PTPRQ: variants seen among roughly 807,000 people sequenced by gnomAD.
PTPRQ encodes the protein protein tyrosine phosphatase receptor type Q.
PTPRQ carries 199 observed loss-of-function variants against 246.0 expected under a neutral mutation model. That is an observed-to-expected ratio of 0.81 (90% CI 0.72 to 0.91). The LOEUF (loss-of-function observed/expected upper bound fraction) is 0.91, where lower values mean the gene tolerates loss of function less well. Ranked by LOEUF, PTPRQ falls within the 40% of genes least tolerant of loss-of-function variation. The pLI is 0.00. For synonymous variants in PTPRQ, 869 were observed against 853.2 expected, an observed-to-expected ratio of 1.02 and a Z score of -0.32; for missense variants, 2,624 against 2,528.4, an observed-to-expected ratio of 1.04 and a Z score of -0.81.
chr12:80,658,905 A>G (rs1428496438), intron 39 of PTPRQ, among the ~76,000 whole-genome samples: 1 of 151,908 alleles, frequency 6.6e-6, no homozygotes, highest in Non-Finnish European at 1.5e-5. Context: ...GGCTCTTGTT[A>G]TATGACGTTC....
chr12:80,551,726 G>C (rs969207120), intron 25 of PTPRQ, among the ~76,000 whole-genome samples: 1 of 151,894 alleles, frequency 6.6e-6, no homozygotes, highest in Non-Finnish European at 1.5e-5. Context: ...CTTCTCTCTA[G>C]CTTTTTATTC....
At chr12:80,513,833 G>A (rs922489249) in intron 17 of PTPRQ, among the ~76,000 whole-genome samples, 2 of 152,100 alleles carry the variant, frequency 1.3e-5, no homozygotes, top group Middle Eastern at 3.2e-3. Context: ...TGGTTCCCTA[G>A]CATGTCTGTG....
At chr12:80,588,556 A>G (rs1452233687) in intron 26 of PTPRQ, 104 bp downstream of exon 26, 4 of 1,222,398 alleles carry the variant, frequency 3.3e-6, no homozygotes, top group African/African-American at 1.5e-5. Context: ...ATCACTGAAC[A>G]TAGAAATAAC....
chr12:80,614,621 T>C (rs1259319481), intron 29 of PTPRQ, among the ~76,000 whole-genome samples: 1 of 150,820 alleles, frequency 6.6e-6, no homozygotes, highest in East Asian at 1.9e-4. Context: ...ATAAAATAAA[T>C]CTTTTGGGGA....
At chr12:80,598,519 T>C (rs1485800395) in intron 26 of PTPRQ, among the ~76,000 whole-genome samples, 2 of 151,944 alleles carry the variant, frequency 1.3e-5, no homozygotes, top group Non-Finnish European at 2.9e-5. Flanking sequence ...TTGGATTTCT[T>C]CTAGTCCTGA....
At chr12:80,621,683 T>C (rs1477043315) in intron 32 of PTPRQ, among the ~76,000 whole-genome samples, 2 of 152,040 alleles carry the variant, frequency 1.3e-5, no homozygotes, top group African/African-American at 4.8e-5. Context: ...GCAAAAGTGA[T>C]TGAGGTATAA....
chr12:80,447,648 GA>G (rs1237629536), intron 3 of PTPRQ, among the ~76,000 whole-genome samples: 1 of 150,616 alleles, frequency 6.6e-6, no homozygotes, highest in East Asian at 1.9e-4. Context: ...ACCATTTATT[GA>G]ACAGAATATC....
chr12:80,611,263 T>A (rs993853852), intron 28 of PTPRQ, among the ~76,000 whole-genome samples: 2 of 150,378 alleles, frequency 1.3e-5, no homozygotes, highest in African/African-American at 4.9e-5. Flanking sequence ...GCTTGCCCCA[T>A]CCTCCTTCAG....
At position 80,549,497 on chromosome 12, in the gene PTPRQ, G is replaced by T; in HGVS notation, c.4048G>T (p.Ala1350Ser). 1 of 1,550,696 alleles carries T rather than the reference G, an allele frequency of 6.4e-7. No homozygotes were observed. The highest frequency in any genetic ancestry group is 8.7e-7 in the Non-Finnish European group (1 of 1,146,376). ...TGTCGTGCAGAATATGCAGTGCATG[G>T]CAACTAGCTGGCAGTCAGTTTTAGT... ...PDVVQNMQCM[A>S]TSWQSVLVKW... Residue 1350 changes from alanine to serine, a missense_variant, in exon 25 of 45, where the codon GCA becomes TCA. Transcript: ENST00000644991.
At chr12:80,662,367 T>A (rs1900659787) in intron 39 of PTPRQ, among the ~76,000 whole-genome samples, 1 of 151,912 alleles carries the variant, frequency 6.6e-6, no homozygotes, top group Non-Finnish European at 1.5e-5. Context: ...ATACCTGAGA[T>A]GTAGTAGGCA....
intron 7 of PTPRQ, among the ~76,000 whole-genome samples, chr12:80,469,668 T>C (rs1448084341): frequency 2.6e-5 from 4 of 152,222 alleles, no homozygotes; most frequent in Non-Finnish European, 5.9e-5. Context: ...GTAACCTTTA[T>C]CTTTCATCCC....
At chr12:80,532,814 T>C (rs1393443632) in intron 17 of PTPRQ, among the ~76,000 whole-genome samples, 1 of 152,216 alleles carries the variant, frequency 6.6e-6, no homozygotes, top group African/African-American at 2.4e-5. Flanking sequence ...AATCCATATT[T>C]TTCTCACTGT....
chr12:80,634,323 G>A (rs1484890670), intron 34 of PTPRQ, among the ~76,000 whole-genome samples: 1 of 152,072 alleles, frequency 6.6e-6, no homozygotes, highest in African/African-American at 2.4e-5. Flanking sequence ...CTGTGTCATG[G>A]AGAAATAAGC....
chr12:80,604,667 C>G (rs1898251444), intron 26 of PTPRQ, among the ~76,000 whole-genome samples: 1 of 151,508 alleles, frequency 6.6e-6, no homozygotes, highest in Non-Finnish European at 1.5e-5. Context: ...GCTTCTCTAT[C>G]TCTCTGTAGT....
intron 42 of PTPRQ, among the ~76,000 whole-genome samples, chr12:80,671,190 G>C (rs181571107): frequency 6.6e-6 from 1 of 151,852 alleles, no homozygotes; most frequent in East Asian, 1.9e-4. Flanking sequence ...AGACTAATAC[G>C]TAAATGCTTG....
chr12:80,594,146 A>C (rs1897892980), intron 26 of PTPRQ, among the ~76,000 whole-genome samples: 1 of 152,208 alleles, frequency 6.6e-6, no homozygotes, highest in Admixed American at 6.5e-5. Flanking sequence ...TTAAAATTAA[A>C]AATTGTCAAT....
At chr12:80,637,513 C>G (rs1899701134) in intron 35 of PTPRQ, among the ~76,000 whole-genome samples, 2 of 152,210 alleles carry the variant, frequency 1.3e-5, no homozygotes, top group South Asian at 4.2e-4. Flanking sequence ...CACTTTTTCA[C>G]TTGTTTGTTG....
intron 37 of PTPRQ, among the ~76,000 whole-genome samples, chr12:80,652,114 C>T (rs1171742258): frequency 2.0e-5 from 3 of 151,986 alleles, no homozygotes; most frequent in Non-Finnish European, 2.9e-5. Context: ...TTTTCTTATG[C>T]CAGACTTTTT....
chr12:80,548,159 G>A (rs115305072), intron 24 of PTPRQ, among the ~76,000 whole-genome samples: 4,102 of 151,970 alleles, frequency 0.027, 194 homozygotes, highest in African/African-American at 0.094. Context: ...TTATCAGTAA[G>A]ATAAAATTGT....
Sources: allele counts gnomAD v4.1 joint callset (sites outside exome capture counted in the v4.1 genomes callset), GRCh38; gene constraint gnomAD v4.1.1; transcripts MANE v1.5; gene names NCBI Gene and HGNC (gene_info 2026-07-23, HGNC 2026-07-21).